The following CUX2 variants were observed in gnomAD, a reference collection of about 807,000 sequenced individuals.
CUX2 encodes the protein cut like homeobox 2.
CUX2 carries 40 observed loss-of-function variants against 144.8 expected under a neutral mutation model. The observed-to-expected ratio is 0.28, with a 90% CI of 0.21 to 0.36. The LOEUF (loss-of-function observed/expected upper bound fraction) is 0.36. CUX2 is among the 10% of genes least tolerant of loss of function. CUX2 has a pLI of 1.00. For missense variants in CUX2, 1,615 were observed against 1,994.0 expected, an observed-to-expected ratio of 0.81 and a Z score of 3.62; for synonymous variants, 827 against 875.6, an observed-to-expected ratio of 0.94 and a Z score of 0.98.
intron 1 of CUX2, among the ~76,000 whole-genome samples, chr12:111,085,780 C>CT (rs1199934986): frequency 6.6e-6 from 1 of 152,136 alleles, no homozygotes; most frequent in Admixed American, 6.5e-5. Context: ...TGGGTTGTTT[C>CT]TTTGAGTTTG....
chr12:111,098,550 G>GAGCT (rs1323366265), intron 1 of CUX2, among the ~76,000 whole-genome samples: 2 of 152,210 alleles, frequency 1.3e-5, no homozygotes, highest in Non-Finnish European at 2.9e-5. Context: ...AGGCTGCTGT[G>GAGCT]AGCTGCCTTG....
intron 1 of CUX2, among the ~76,000 whole-genome samples, chr12:111,122,061 T>C (rs1874728826): frequency 6.6e-6 from 1 of 152,228 alleles, no homozygotes; most frequent in East Asian, 1.9e-4. Flanking sequence ...CTGACTGCTC[T>C]GTGGTCTAAA....
At chr12:111,049,443 G>A (rs1219717949) in intron 1 of CUX2, among the ~76,000 whole-genome samples, 3 of 152,230 alleles carry the variant, frequency 2.0e-5, no homozygotes, top group Non-Finnish European at 4.4e-5. Context: ...TCTTAAGAAT[G>A]CTTTAGATTG....
chr12:111,254,698 C>CA (rs1295541516), intron 3 of CUX2, among the ~76,000 whole-genome samples: 2 of 152,170 alleles, frequency 1.3e-5, no homozygotes, highest in Admixed American at 6.5e-5. Flanking sequence ...CCTGAGGGTT[C>CA]AAAATGAATT....
chr12:111,200,200 G>A (rs1333991410), intron 1 of CUX2, among the ~76,000 whole-genome samples: 2 of 152,022 alleles, frequency 1.3e-5, no homozygotes, highest in East Asian at 3.9e-4. Flanking sequence ...TCCCACAGCT[G>A]GATCTGCACC....
intron 2 of CUX2, among the ~76,000 whole-genome samples, chr12:111,214,567 C>G (rs915536511): frequency 4.6e-5 from 7 of 152,222 alleles, no homozygotes; most frequent in African/African-American, 1.7e-4. Flanking sequence ...TCCATTTTCC[C>G]CCAACATTCA....
intron 1 of CUX2, among the ~76,000 whole-genome samples, chr12:111,084,171 C>T (rs975943003): frequency 3.3e-5 from 5 of 152,202 alleles, no homozygotes; most frequent in Non-Finnish European, 7.4e-5. Context: ...TGATTTTCCT[C>T]CTGGTCTACA....
chr12:111,221,665 T>C (rs1194300253), intron 3 of CUX2, among the ~76,000 whole-genome samples: 1 of 152,192 alleles, frequency 6.6e-6, no homozygotes, highest in African/African-American at 2.4e-5. Context: ...AAATATACCA[T>C]GTTCAATAAA....
chr12:111,052,589 G>A (rs1870328918), intron 1 of CUX2, among the ~76,000 whole-genome samples: 1 of 152,168 alleles, frequency 6.6e-6, no homozygotes, highest in Non-Finnish European at 1.5e-5. Context: ...GTCCTTGTAT[G>A]TGTATCTTAG....
rs1878497801 is a variant in CUX2 at position 111,171,180 on chromosome 12, G to A, written c.64-43020G>A. On this transcript the variant is annotated intron_variant, in intron 1 of 21. Transcript: ENST00000261726. The surrounding 1 kb of genome is among the most constrained non-coding windows in gnomAD (Gnocchi z 5.0). ...GGGGTGACAGAGATGGAGAAGTTGG[G>A]CAACCCCCAGTCTGATGGACGGGGT... Among the ~76,000 whole-genome samples, 1 of 152,088 alleles carries A rather than the reference G, an allele frequency of 6.6e-6. No homozygotes were observed. Among genetic ancestry groups the A allele is most frequent in the African/African-American group, 2.4e-5 (1 of 41,392 alleles).
chr12:111,067,218 A>C (rs1871056540), intron 1 of CUX2, among the ~76,000 whole-genome samples: 1 of 152,218 alleles, frequency 6.6e-6, no homozygotes, highest in Non-Finnish European at 1.5e-5. Flanking sequence ...ATAGTATGCC[A>C]TCCCTCTGGC....
At position 111,263,040 on chromosome 12, in the gene CUX2, A is replaced by C. The variant is rs1428483284; in HGVS notation, c.223-721A>C. Among the ~76,000 whole-genome samples, 2 of 152,242 alleles carry C rather than the reference A, an allele frequency of 1.3e-5. No homozygotes were observed. The highest frequency in any genetic ancestry group is 2.9e-5 in the Non-Finnish European group (2 of 68,038). On this transcript the variant is annotated intron_variant, in intron 3 of 21. Coordinates refer to ENST00000261726, the MANE Select transcript of CUX2 (RefSeq NM_015267.4). The surrounding 1 kb of genome is among the most constrained non-coding windows in gnomAD (Gnocchi z 4.0). ...TTTACAGATGAAGAAACTGAGAATC[A>C]GAGAGGGGCAGTGCAAGGTCACACA...
chr12:111,239,061 T>C (rs1882895688), intron 3 of CUX2, among the ~76,000 whole-genome samples: 1 of 152,012 alleles, frequency 6.6e-6, no homozygotes, highest in Non-Finnish European at 1.5e-5. Flanking sequence ...GATAAATAAA[T>C]AAATGGCTCA....
In CUX2 at chr12:111,217,934, C is replaced by G; in HGVS notation, c.219C>G (p.Ala73=). Residue 73 remains alanine (A), a synonymous_variant, in exon 3 of 22, where the codon GCC becomes GCG. Coordinates refer to ENST00000261726, the MANE Select transcript of CUX2 (RefSeq NM_015267.4). ...CTCCTGTATTAAAAAGCTTCCAAGCCGAGGTAAGACCCAGGGCCCACAGCA... is the reference window on the plus strand; with the variant it reads ...CTCCTGTATTAAAAAGCTTCCAAGCGGAGGTAAGACCCAGGGCCCACAGCA... The part of the protein sequence containing the change: ...MVAPVLKSFQ[A]EVVALSKRSQ... 1 of 1,613,888 alleles carries G rather than the reference C, an allele frequency of 6.2e-7. No homozygotes were observed. Among genetic ancestry groups the G allele is most frequent in the Non-Finnish European group, 8.5e-7 (1 of 1,180,008 alleles).
chr12:111,274,732 A>G (rs1592906987), intron 4 of CUX2, among the ~76,000 whole-genome samples: 1 of 152,288 alleles, frequency 6.6e-6, no homozygotes, highest in East Asian at 1.9e-4. Context: ...CCACCCCCGC[A>G]GGCGCCCGGA....
intron 4 of CUX2, among the ~76,000 whole-genome samples, chr12:111,280,419 C>T (rs1885070457): frequency 6.6e-6 from 1 of 152,104 alleles, no homozygotes; most frequent in African/African-American, 2.4e-5. Flanking sequence ...GGGGAAAGGC[C>T]CAGGTCTCCC....
intron 1 of CUX2, among the ~76,000 whole-genome samples, chr12:111,153,256 A>G (rs115087688): frequency 2.6e-5 from 4 of 152,176 alleles, no homozygotes; most frequent in African/African-American, 7.2e-5. Flanking sequence ...TATTCATTCA[A>G]TAAGCGTATT....
At chr12:111,313,718 T>G (rs1012908633) in intron 16 of CUX2, among the ~76,000 whole-genome samples, 1 of 152,130 alleles carries the variant, frequency 6.6e-6, no homozygotes, top group Admixed American at 6.6e-5. Context: ...GAGGTCAGTG[T>G]AATCCTGAAA....
At chr12:111,148,391 A>G (rs1346803260) in intron 1 of CUX2, among the ~76,000 whole-genome samples, 2 of 151,992 alleles carry the variant, frequency 1.3e-5, no homozygotes, top group Non-Finnish European at 2.9e-5. Context: ...AAGAATGGAG[A>G]GTTCGTGTTT....
Sources: allele counts gnomAD v4.1 joint callset (sites outside exome capture counted in the v4.1 genomes callset), GRCh38; gene constraint gnomAD v4.1.1; non-coding constraint Gnocchi (gnomAD v3.1); transcripts MANE v1.5; gene names NCBI Gene and HGNC (gene_info 2026-07-23, HGNC 2026-07-21).